RALGAPA2: variants seen among roughly 807,000 people sequenced by gnomAD.
RALGAPA2 encodes the protein ral GTPase-activating protein subunit alpha-2.
In RALGAPA2, 139 loss-of-function variants were observed where a neutral mutation model predicts 230.4. The ratio of observed to expected loss-of-function variants is 0.60; its 90% CI spans 0.53 to 0.69. The LOEUF (loss-of-function observed/expected upper bound fraction) is 0.69, where lower values mean the gene tolerates loss of function less well. RALGAPA2 is among the 30% of genes least tolerant of loss of function. The pLI is 0.00. For missense variants in RALGAPA2, 2,163 were observed against 2,276.0 expected (o/e 0.95, Z 1.01); for synonymous variants, 847 against 837.8 (o/e 1.01, Z -0.19).
intron 24 of RALGAPA2, among the ~76,000 whole-genome samples, chr20:20,545,324 G>A (rs1350775251): frequency 6.6e-6 from 1 of 151,782 alleles, no homozygotes. Context: ...GGCTTCCTGA[G>A]TCTCCTATAG....
intron 16 of RALGAPA2, among the ~76,000 whole-genome samples, chr20:20,596,190 G>A (rs2065450037): frequency 6.6e-6 from 1 of 152,148 alleles, no homozygotes; most frequent in African/African-American, 2.4e-5. Context: ...AAATTCTGCT[G>A]CTGCCGCCAA....
intron 18 of RALGAPA2, among the ~76,000 whole-genome samples, chr20:20,586,046 A>G (rs2065124378): frequency 6.6e-6 from 1 of 152,242 alleles, no homozygotes; most frequent in African/African-American, 2.4e-5. Context: ...AATGATACAT[A>G]TCTAATGTGC....
chr20:20,495,609 T>G (rs903626337), intron 35 of RALGAPA2, among the ~76,000 whole-genome samples: 6 of 152,382 alleles, frequency 3.9e-5, no homozygotes, highest in African/African-American at 1.4e-4. Flanking sequence ...AATATGTTTC[T>G]AAACAATTAA....
Position 20,512,867 on chromosome 20 carries a change from C to T in RALGAPA2, c.4502G>A (p.Arg1501His), listed in dbSNP as rs367755056. Residue 1501 changes from arginine (R) to histidine (H), a missense_variant, in exon 32 of 40, where the codon CGT becomes CAT. Transcript: ENST00000202677. ...NPSFLISSWH[R>H]DTFGPQKDSS... The stretch of plus-strand genomic sequence containing the variant: ...GTCTTTCTGAGGTCCAAATGTGTCA[C>T]GATGCCAGCTCGAAATCAGAAATGA... 48 of 1,613,580 alleles carry T rather than the reference C, an allele frequency of 3.0e-5. No individual in the cohort carries two copies. The highest frequency in any genetic ancestry group is 3.6e-5 in the Non-Finnish European group (43 of 1,179,642).
chr20:20,463,761 T>C lies in RALGAPA2; in HGVS notation c.5495+9068A>G, dbSNP rs1484921549. ...AATGCTAAAGAAATATTGTCATTTA[T>C]GGAATGACCTTTTGCTCTTTGAATA... On this transcript the variant is annotated intron_variant, in intron 37 of 39. Coordinates refer to ENST00000202677, the MANE Select transcript of RALGAPA2 (RefSeq NM_020343.4). 2.0e-5 allele frequency among the ~76,000 whole-genome samples: 3 copies of C among 152,232 alleles called. No homozygotes were observed. In the South Asian group the frequency reaches 6.2e-4, roughly 31 times the overall value.
chr20:20,688,433 C>T (rs2068782740), intron 1 of RALGAPA2, among the ~76,000 whole-genome samples: 1 of 152,186 alleles, frequency 6.6e-6, no homozygotes, highest in African/African-American at 2.4e-5. Context: ...AGCCCCAGTG[C>T]TATCATGGCG....
chr20:20,455,261 C>T (rs574232222), intron 37 of RALGAPA2, among the ~76,000 whole-genome samples: 103 of 152,336 alleles, frequency 6.8e-4, no homozygotes, highest in Non-Finnish European at 1.3e-3. Flanking sequence ...AGAAGGGTCT[C>T]GCTGTGCGAA....
intron 38 of RALGAPA2, among the ~76,000 whole-genome samples, chr20:20,402,133 G>A (rs953144288): frequency 3.3e-5 from 5 of 152,188 alleles, no homozygotes; most frequent in African/African-American, 1.2e-4. Flanking sequence ...AAGTGCTCGA[G>A]CTCTGGTCTG....
intron 21 of RALGAPA2, 79 bp from the exon 22 acceptor site, chr20:20,572,025 A>T (rs2064658827): frequency 4.3e-6 from 4 of 926,456 alleles, no homozygotes; most frequent in East Asian, 5.3e-5. Context: ...TTCTGTGACC[A>T]TATAGCTGCT....
intron 16 of RALGAPA2, among the ~76,000 whole-genome samples, chr20:20,597,787 C>T (rs1278500900): frequency 6.6e-6 from 1 of 151,768 alleles, no homozygotes; most frequent in African/African-American, 2.4e-5. Context: ...TGCAGTGAGC[C>T]GAGATCATGC....
chr20:20,476,674 AAAATAAAT>A (rs557603048), intron 36 of RALGAPA2, among the ~76,000 whole-genome samples: 7,174 of 139,428 alleles, frequency 0.051, 241 homozygotes, highest in East Asian at 0.14. Flanking sequence ...CATAAATCAT[AAAATAAAT>A]AAATAAATAA....
intron 10 of RALGAPA2, among the ~76,000 whole-genome samples, chr20:20,626,933 G>A (rs1299435921): frequency 4.6e-5 from 7 of 152,144 alleles, no homozygotes; most frequent in Non-Finnish European, 7.4e-5. Flanking sequence ...GCTTTAAAAA[G>A]TGTGCTGACC....
intron 23 of RALGAPA2, among the ~76,000 whole-genome samples, chr20:20,558,253 G>A (rs1372437888): frequency 6.6e-6 from 1 of 152,078 alleles, no homozygotes; most frequent in Non-Finnish European, 1.5e-5. Context: ...TGATCCACCC[G>A]CCTCAGCCTC....
intron 35 of RALGAPA2, among the ~76,000 whole-genome samples, chr20:20,502,655 C>T (rs2062410680): frequency 6.6e-6 from 1 of 152,290 alleles, no homozygotes; most frequent in South Asian, 2.1e-4. Flanking sequence ...GCCCTCAGTC[C>T]CTTGCATTTA....
intron 37 of RALGAPA2, among the ~76,000 whole-genome samples, chr20:20,422,987 A>C (rs1235946281): frequency 1.3e-5 from 2 of 152,188 alleles, no homozygotes; most frequent in African/African-American, 4.8e-5. Flanking sequence ...GAATCTCCGA[A>C]GGTTTTAAAA....
intron 10 of RALGAPA2, among the ~76,000 whole-genome samples, chr20:20,625,776 A>T (rs2066472739): frequency 6.6e-6 from 1 of 152,132 alleles, no homozygotes. Flanking sequence ...GCCAATGAGA[A>T]GACGAGTTTA....
chr20:20,467,562 C>CATTGATTGATTGATTG (rs151295621), intron 37 of RALGAPA2, among the ~76,000 whole-genome samples: 1 of 151,972 alleles, frequency 6.6e-6, no homozygotes, highest in African/African-American at 2.4e-5. Context: ...GTGCAAGAGC[C>CATTGATTGATTGATTG]ATTGATTGAT....
chr20:20,450,174 T>A (rs2060956287), intron 37 of RALGAPA2, among the ~76,000 whole-genome samples: 1 of 152,222 alleles, frequency 6.6e-6, no homozygotes, highest in African/African-American at 2.4e-5. Flanking sequence ...GTGATGGAAC[T>A]GCGTCCTCAA....
At chr20:20,631,280 A>G (rs1298601534) in intron 9 of RALGAPA2, among the ~76,000 whole-genome samples, 3 of 152,230 alleles carry the variant, frequency 2.0e-5, no homozygotes. Context: ...GTCATCTTGG[A>G]CCTTGCAGAC....
Sources: allele counts gnomAD v4.1 joint callset (sites outside exome capture counted in the v4.1 genomes callset), GRCh38; gene constraint gnomAD v4.1.1; transcripts MANE v1.5; gene names NCBI Gene and HGNC (gene_info 2026-07-23, HGNC 2026-07-21).